VMA21: variants seen among roughly 807,000 people sequenced by gnomAD.
The protein encoded by VMA21 is vacuolar ATPase assembly integral membrane protein VMA21.
For synonymous variants in VMA21, 47 were observed against 34.1 expected (o/e 1.38, Z -1.32); for missense variants, 61 against 80.6 (o/e 0.76, Z 0.93).
At position 151,398,171 on chromosome X, in the gene VMA21, G is replaced by A. The variant is rs189011065; in HGVS notation, c.53+810G>A. On this transcript the variant is annotated intron_variant, in intron 1 of 2. Transcript: ENST00000330374. ...TGTGATGCCTTCTCTTTCCGACAGG[G>A]TCATTGTGAGTTTTTTTTTTTTTTT... 1.4e-4 allele frequency among the ~76,000 whole-genome samples: 14 copies of A among 101,221 alleles called. No individual in the cohort carries two copies. The Admixed American group carries it at 1.4e-3, about 10-fold the overall frequency. The allele number at this position is 101,221 out of a possible 115,157, so 87.9% of individuals were successfully genotyped here.
Position 151,409,310 on chromosome X carries a change from G to A in VMA21, c.*4252G>A, listed in dbSNP as rs2011327996. The A allele has an allele frequency of 9.0e-6, 1 of 111,605 alleles. No homozygotes were observed. The highest frequency in any genetic ancestry group is 9.5e-5 in the Admixed American group (1 of 10,485). The allele number at this position is 111,605 out of a possible 1,213,427, so 9.2% of individuals were successfully genotyped here. A position where few individuals can be genotyped will look rare whatever the true frequency, so the allele number is the denominator to read the frequency against. On this transcript the variant is annotated 3_prime_UTR_variant, in exon 3 of 3. Transcript: ENST00000330374. Reference sequence around the variant, plus strand: ...TTTTGTATTCACTATATTGTAGCTTGTAATTTGTATAAATGTACCATCTGA... The same window carrying A: ...TTTTGTATTCACTATATTGTAGCTTATAATTTGTATAAATGTACCATCTGA...
chrX:151,397,179 G>A, upstream of VMA21: 1 of 747,440 alleles, frequency 1.3e-6, no homozygotes, highest in Non-Finnish European at 1.8e-6. Flanking sequence ...CTTCCGGCGC[G>A]AACGGGCACT....
chrX:151,399,544 A>G (rs778092294), intron 1 of VMA21, among the ~76,000 whole-genome samples: 1 of 111,855 alleles, frequency 8.9e-6, no homozygotes, highest in African/African-American at 3.2e-5. Flanking sequence ...TGCTTTTTTT[A>G]GGGTGCACAA....
intron 1 of VMA21, among the ~76,000 whole-genome samples, chrX:151,399,325 A>G (rs987524148): frequency 2.1e-4 from 23 of 111,885 alleles, no homozygotes; most frequent in Non-Finnish European, 3.2e-4. Context: ...GATTTTGTTT[A>G]CTTTAAAACA....
At chrX:151,397,393 G>T (rs1330600027) in intron 1 of VMA21, 32 bp downstream of exon 1, 1 of 1,155,625 alleles carries the variant, frequency 8.7e-7, no homozygotes, top group Admixed American at 2.6e-5. Context: ...ACCGCGAGGC[G>T]GACTGGCCCC....
intron 1 of VMA21, among the ~76,000 whole-genome samples, chrX:151,401,268 T>G (rs1198423558): frequency 8.9e-6 from 1 of 112,091 alleles, no homozygotes; most frequent in Non-Finnish European, 1.9e-5. Context: ...CCAGTACCAC[T>G]TATTGAAGGG....
At chrX:151,401,114 A>G (rs776075984) in intron 1 of VMA21, among the ~76,000 whole-genome samples, 6 of 112,266 alleles carry the variant, frequency 5.3e-5, no homozygotes, top group Admixed American at 3.8e-4. Context: ...ACTGAGGCCA[A>G]TGTTAAGGAC....
upstream of VMA21, chrX:151,397,028 G>A (rs370198715): frequency 2.0e-4 from 100 of 504,127 alleles, no homozygotes; most frequent in East Asian, 2.8e-3. Context: ...GGCCCCTCCT[G>A]GCAGGGCGCA....
rs1484704694 is a variant in VMA21, at chrX:151,406,149, T to C, written c.*1091T>C. 1.8e-5 allele frequency: 2 copies of C among 111,474 alleles called. No homozygotes were observed. Among genetic ancestry groups the C allele is most frequent in the Non-Finnish European group, 3.8e-5 (2 of 53,151 alleles). 9.2% of individuals were successfully genotyped at this position (111,474 alleles called of 1,213,427 possible). A position where few individuals can be genotyped will look rare whatever the true frequency, so the allele number is the denominator to read the frequency against. ...TTGTAGAAAACTGGAAAAATACATA[T>C]TCAAACAGGAAAAAAAATCAAAATT... On this transcript the variant is annotated 3_prime_UTR_variant, in exon 3 of 3. Coordinates refer to ENST00000330374, the MANE Select transcript of VMA21 (RefSeq NM_001017980.4).
intron 1 of VMA21, among the ~76,000 whole-genome samples, chrX:151,403,395 T>C (rs2011254011): frequency 8.9e-6 from 1 of 112,742 alleles, no homozygotes; most frequent in Non-Finnish European, 1.9e-5. Context: ...TGACGCTTCG[T>C]CTTACACTGG....
Position 151,408,630 on chromosome X carries a change from G to C in VMA21, c.*3572G>C, listed in dbSNP as rs183880461. The stretch of plus-strand genomic sequence containing the variant: ...CCTATGTTTAAGATAATTTTTACAA[G>C]AGCTGGCTGAAGCAGCACATTAGTA... On this transcript the variant is annotated 3_prime_UTR_variant, in exon 3 of 3. Transcript: ENST00000330374. 4.5e-5 allele frequency: 5 copies of C among 112,291 alleles called. No individual in the cohort carries two copies. The highest frequency in any genetic ancestry group is 1.6e-4 in the African/African-American group (5 of 30,911). 9.3% of individuals were successfully genotyped at this position (112,291 alleles called of 1,213,427 possible). A position where few individuals can be genotyped will look rare whatever the true frequency, so the allele number is the denominator to read the frequency against.
At chrX:151,397,464 C>G in intron 1 of VMA21, 103 bp downstream of exon 1, 1 of 971,830 alleles carries the variant, frequency 1.0e-6, no homozygotes, top group East Asian at 3.5e-5. Context: ...GGTCTGGACC[C>G]CGGGGACCTG....
chrX:151,403,843 TG>T, intron 2 of VMA21, 103 bp downstream of exon 2: 1 of 588,696 alleles, frequency 1.7e-6, no homozygotes, highest in Non-Finnish European at 2.8e-6. Flanking sequence ...ATTTTTTTCT[TG>T]TTTAGCTTTT....
Position 151,397,490 on chromosome X carries a change from G to A in VMA21, c.53+129G>A, listed in dbSNP as rs985853097. 15 of 780,959 alleles carry A rather than the reference G, an allele frequency of 1.9e-5. No homozygotes were observed. The African/African-American group carries it at 2.7e-4, about 14-fold the overall frequency. 64.4% of individuals were successfully genotyped at this position (780,959 alleles called of 1,213,427 possible). The stretch of plus-strand genomic sequence containing the variant: ...CGGGGACCTGGCCTCAGGGAAGGGG[G>A]CGGGGAAAGCAGGTTGGAGCCTGAG... On this transcript the variant is annotated intron_variant, in intron 1 of 2. Transcript: ENST00000330374.
chrX:151,400,490 T>A (rs1016193829), intron 1 of VMA21, among the ~76,000 whole-genome samples: 3 of 111,928 alleles, frequency 2.7e-5, no homozygotes, highest in Admixed American at 9.5e-5. Context: ...ATCTTGGCTA[T>A]TGTGAATAAT....
At chrX:151,399,289 T>C (rs1342554665) in intron 1 of VMA21, among the ~76,000 whole-genome samples, 2 of 111,724 alleles carry the variant, frequency 1.8e-5, no homozygotes, top group Non-Finnish European at 3.8e-5. Context: ...GTAGAAAGGT[T>C]ATATTTGGGT....
upstream of VMA21, chrX:151,396,795 C>G: frequency 2.1e-6 from 1 of 485,736 alleles, no homozygotes; most frequent in Non-Finnish European, 3.7e-6. Context: ...GCTCAGTTGC[C>G]TAGCACCACA....
intron 1 of VMA21, among the ~76,000 whole-genome samples, chrX:151,398,000 C>T (rs773416452): frequency 2.7e-5 from 3 of 110,494 alleles, no homozygotes; most frequent in Non-Finnish European, 5.7e-5. Context: ...TGCTTGATTT[C>T]CCAATTTTGA....
chrX:151,397,238 C>G lies in VMA21; in HGVS notation c.-71C>G. ...GTGCGAACCGCCTCGGCCGTTCCCT[C>G]GCGGAGCTTACTGAGCGCGGCCGCC... On this transcript the variant is annotated 5_prime_UTR_variant, in exon 1 of 3. Transcript: ENST00000330374. 1 of 1,104,582 alleles carries G rather than the reference C, an allele frequency of 9.1e-7. No individual in the cohort carries two copies. The highest frequency in any genetic ancestry group is 1.2e-6 in the Non-Finnish European group (1 of 831,313). The allele number at this position is 1,104,582 out of a possible 1,213,427, so 91.0% of individuals were successfully genotyped here. A position where few individuals can be genotyped will look rare whatever the true frequency, so the allele number is the denominator to read the frequency against.
Sources: gnomAD v4.1 joint callset for allele counts (sites outside exome capture counted in the v4.1 genomes callset) on GRCh38, gnomAD v4.1.1 for gene constraint, MANE v1.5 for transcripts, NCBI Gene and HGNC (gene_info 2026-07-23, HGNC 2026-07-21) for gene names.